Variants in SH3GLB1 observed in about 807,000 individuals in gnomAD.
SH3GLB1 encodes the protein SH3 domain containing GRB2 like, endophilin B1.
In SH3GLB1, 17 loss-of-function variants were observed where a neutral mutation model predicts 42.0. That is an observed-to-expected ratio of 0.40 (90% CI 0.28 to 0.61). The LOEUF is 0.61. Ranked by LOEUF, SH3GLB1 falls within the 20% of genes least tolerant of loss-of-function variation. The pLI, the probability that SH3GLB1 is intolerant of heterozygous loss-of-function variation, is 0.36. For synonymous variants in SH3GLB1, 132 were observed against 146.6 expected (o/e 0.90, Z 0.72); for missense variants, 355 against 426.3 (o/e 0.83, Z 1.47).
chr1:86,718,906 T>TA (rs1654706160), intron 2 of SH3GLB1, among the ~76,000 whole-genome samples: 1 of 152,252 alleles, frequency 6.6e-6, no homozygotes, highest in African/African-American at 2.4e-5. Flanking sequence ...TGCTCAGAGA[T>TA]ATACTTGTAT....
chr1:86,708,003 C>A (rs1249863161), intron 1 of SH3GLB1, among the ~76,000 whole-genome samples: 1 of 152,020 alleles, frequency 6.6e-6, no homozygotes, highest in Non-Finnish European at 1.5e-5. Flanking sequence ...ACAACAGCAA[C>A]GGAATGTTGA....
intron 2 of SH3GLB1, among the ~76,000 whole-genome samples, chr1:86,716,847 C>G (rs1654565460): frequency 6.6e-6 from 1 of 152,156 alleles, no homozygotes; most frequent in Non-Finnish European, 1.5e-5. Flanking sequence ...TGTATGCTTT[C>G]CTTCTTTTTT....
At chr1:86,716,993 T>G (rs1054124869) in intron 2 of SH3GLB1, among the ~76,000 whole-genome samples, 6 of 152,200 alleles carry the variant, frequency 3.9e-5, no homozygotes, top group Non-Finnish European at 5.9e-5. Flanking sequence ...TAAATACACC[T>G]TTTGGTTGAA....
chr1:86,743,106 C>A, intron 8 of SH3GLB1, 22 bp from the exon 9 acceptor site: 1 of 1,559,854 alleles, frequency 6.4e-7, no homozygotes, highest in Non-Finnish European at 8.8e-7. Flanking sequence ...TAGTTAATAA[C>A]TGGAAGTATT....
At chr1:86,728,771 T>C (rs1019242016) in intron 5 of SH3GLB1, among the ~76,000 whole-genome samples, 1 of 152,194 alleles carries the variant, frequency 6.6e-6, no homozygotes, top group Non-Finnish European at 1.5e-5. Flanking sequence ...TAATTTAAGC[T>C]GGCATTTATA....
rs12409329 is a variant in SH3GLB1 at position 86,707,566 on chromosome 1, T to G, written c.72+2595T>G. On this transcript the variant is annotated intron_variant, in intron 1 of 8. Transcript: ENST00000370558. ...AGGAGAAACAGACTTCTTTAATGTG[T>G]CTGTAATTGTTAGAGATACATACTG... 3.3e-5 allele frequency among the ~76,000 whole-genome samples: 5 copies of G among 152,122 alleles called. No individual in the cohort carries two copies. The South Asian group carries it at 8.3e-4, about 25-fold the overall frequency.
chr1:86,729,664 A>G (rs1655399710), intron 5 of SH3GLB1, among the ~76,000 whole-genome samples: 2 of 152,180 alleles, frequency 1.3e-5, no homozygotes, highest in East Asian at 1.9e-4. Flanking sequence ...TATATTTATT[A>G]TATCTCCAGC....
At chr1:86,705,501 C>T (rs1349096949) in intron 1 of SH3GLB1, among the ~76,000 whole-genome samples, 1 of 152,186 alleles carries the variant, frequency 6.6e-6, no homozygotes, top group Non-Finnish European at 1.5e-5. Flanking sequence ...GGCTTGGCAG[C>T]CCGCGGGGGA....
chr1:86,728,404 A>C, intron 5 of SH3GLB1: 1 of 1,547,832 alleles, frequency 6.5e-7, no homozygotes, highest in Non-Finnish European at 8.8e-7. Flanking sequence ...GCACTTAAGC[A>C]ACTAAACTCA....
At chr1:86,726,126 G>A (rs1230129580) in intron 5 of SH3GLB1, among the ~76,000 whole-genome samples, 2 of 151,920 alleles carry the variant, frequency 1.3e-5, no homozygotes, top group African/African-American at 2.4e-5. Context: ...CAGGAAAAAA[G>A]GATCATTTGG....
intron 5 of SH3GLB1, among the ~76,000 whole-genome samples, chr1:86,724,892 A>AT (rs1553208270): frequency 0.016 from 1,586 of 99,454 alleles, 34 homozygotes; most frequent in African/African-American, 0.042. Flanking sequence ...AAAAAAAAAA[A>AT]ATATATATAT....
chr1:86,717,935 A>G (rs1654637292), intron 2 of SH3GLB1, among the ~76,000 whole-genome samples: 1 of 152,222 alleles, frequency 6.6e-6, no homozygotes. Context: ...TAGTATTCCA[A>G]ATATTTTATT....
chr1:86,730,561 A>T (rs1176115534), intron 5 of SH3GLB1, among the ~76,000 whole-genome samples: 2 of 151,798 alleles, frequency 1.3e-5, no homozygotes, highest in African/African-American at 4.8e-5. Flanking sequence ...GTGCAGTGGC[A>T]CAGTCACAGC....
In SH3GLB1 at chr1:86,704,842, G is replaced by A; in HGVS notation, c.-58G>A. The A allele has an allele frequency of 7.9e-7, 1 of 1,262,786 alleles. No homozygotes were observed. The highest frequency in any genetic ancestry group is 2.9e-5 in the East Asian group (1 of 33,998). The allele number at this position is 1,262,786 out of a possible 1,614,324, so 78.2% of individuals were successfully genotyped here. A position where few individuals can be genotyped will look rare whatever the true frequency, so the allele number is the denominator to read the frequency against. ...TCTAGCCCTGCGCCCCAGCCCGGCCGCGGCACCTCCGCCTCGCCGCCGCTA... is the reference window on the plus strand; with the variant it reads ...TCTAGCCCTGCGCCCCAGCCCGGCCACGGCACCTCCGCCTCGCCGCCGCTA... On this transcript the variant is annotated 5_prime_UTR_variant, in exon 1 of 9. Coordinates refer to ENST00000370558, the MANE Select transcript of SH3GLB1 (RefSeq NM_016009.5).
At chr1:86,719,662 A>G (rs1406138113) in intron 3 of SH3GLB1, 27 bp downstream of exon 3, 5 of 1,599,474 alleles carry the variant, frequency 3.1e-6, no homozygotes, top group Admixed American at 1.7e-5. Flanking sequence ...AAGTTCTAAT[A>G]AGGGATATCT....
chr1:86,709,025 T>G (rs972610939), intron 1 of SH3GLB1, among the ~76,000 whole-genome samples: 1 of 152,216 alleles, frequency 6.6e-6, no homozygotes, highest in Admixed American at 6.5e-5. Flanking sequence ...ATAAACTTTT[T>G]TTAAAGATAT....
At chr1:86,740,888 T>C (rs1477676865) in intron 7 of SH3GLB1, among the ~76,000 whole-genome samples, 1 of 152,072 alleles carries the variant, frequency 6.6e-6, no homozygotes, top group Non-Finnish European at 1.5e-5. Context: ...CTGTAGGTGA[T>C]TGCAGTAAGA....
At chr1:86,705,955 C>T (rs992335481) in intron 1 of SH3GLB1, among the ~76,000 whole-genome samples, 7 of 152,174 alleles carry the variant, frequency 4.6e-5, no homozygotes, top group Admixed American at 1.3e-4. Flanking sequence ...TACTACTTTC[C>T]TTGCCTTTGC....
intron 7 of SH3GLB1, among the ~76,000 whole-genome samples, chr1:86,739,848 A>G (rs1391402572): frequency 1.3e-5 from 2 of 152,156 alleles, no homozygotes; most frequent in Non-Finnish European, 2.9e-5. Flanking sequence ...TAGACAGCTC[A>G]TTAAAGAGTT....
Sources: gnomAD v4.1 joint callset for allele counts (sites outside exome capture counted in the v4.1 genomes callset) on GRCh38, gnomAD v4.1.1 for gene constraint, MANE v1.5 for transcripts, NCBI Gene and HGNC (gene_info 2026-07-23, HGNC 2026-07-21) for gene names.